Variants in PI4KA observed in about 807,000 individuals in gnomAD.
The protein encoded by PI4KA is phosphatidylinositol 4-kinase alpha.
PI4KA carries 122 observed loss-of-function variants against 271.4 expected under a neutral mutation model. The observed-to-expected ratio is 0.45, with a 90% CI of 0.39 to 0.52. PI4KA has a LOEUF of 0.52. PI4KA is among the 20% of genes least tolerant of loss of function. The pLI is 0.00. For synonymous variants in PI4KA, 1,041 were observed against 1,078.8 expected (o/e 0.96, Z 0.69); for missense variants, 1,969 against 2,769.1 (o/e 0.71, Z 6.48).
In PI4KA at chr22:20,801,964, G is replaced by T. The variant is rs1935359379; in HGVS notation, c.1724+9C>A. On this transcript the variant is annotated intron_variant, in intron 14 of 54. Coordinates refer to ENST00000255882, the MANE Select transcript of PI4KA (RefSeq NM_058004.4). ...CTGCTGTCTACTCGCCACTTGCCCA[G>T]CTTCCCACCTGCAGATGTTGTCAAT... 5 of 1,613,740 alleles carry T rather than the reference G, an allele frequency of 3.1e-6. No individual in the cohort carries two copies. The highest frequency in any genetic ancestry group is 4.2e-6 in the Non-Finnish European group (5 of 1,179,816).
At chr22:20,730,603 C>T (rs112874892) in intron 36 of PI4KA, among the ~76,000 whole-genome samples, 5,369 of 149,042 alleles carry the variant, frequency 0.036, 127 homozygotes, top group Non-Finnish European at 0.056. Context: ...AGGAGTCTCG[C>T]TGTGTTGCCC....
intron 1 of PI4KA, 82 bp from the exon 2 acceptor site, chr22:20,838,813 T>C (rs1223207674): frequency 7.6e-6 from 6 of 793,008 alleles, no homozygotes; most frequent in Non-Finnish European, 1.3e-5. Context: ...TGCAGTGTCA[T>C]ATGCCTGCAG....
At position 20,761,188 on chromosome 22, in the gene PI4KA, G is replaced by A. The variant is rs1931931165; in HGVS notation, c.2791+116C>T. Reference sequence around the variant, plus strand: ...TATGTTTTATACTGATCTTTCTCATGCAATATTTAACTTCATAAAACATTT... The same window carrying A: ...TATGTTTTATACTGATCTTTCTCATACAATATTTAACTTCATAAAACATTT... On this transcript the variant is annotated intron_variant, in intron 23 of 54. Coordinates refer to ENST00000255882, the MANE Select transcript of PI4KA (RefSeq NM_058004.4). 3 of 688,738 alleles carry A rather than the reference G, an allele frequency of 4.4e-6. No homozygotes were observed. The South Asian group carries it at 4.8e-5, about 11-fold the overall frequency. The allele number at this position is 688,738 out of a possible 1,614,324, so 42.7% of individuals were successfully genotyped here. A position where few individuals can be genotyped will look rare whatever the true frequency, so the allele number is the denominator to read the frequency against.
At chr22:20,723,003 G>A (rs955214102) in intron 42 of PI4KA, among the ~76,000 whole-genome samples, 8 of 151,586 alleles carry the variant, frequency 5.3e-5, no homozygotes, top group African/African-American at 1.9e-4. Context: ...CTCCCTCTTT[G>A]GCCATTTTTA....
chr22:20,712,476 C>T lies in PI4KA; in HGVS notation c.5802+10G>A. 1 of 1,607,434 alleles carries T rather than the reference C, an allele frequency of 6.2e-7. No individual in the cohort carries two copies. Among genetic ancestry groups the T allele is most frequent in the South Asian group, 1.1e-5 (1 of 89,990 alleles). ...CACGACCTCCCCCGGCCTGTGGCCA[C>T]CCTGGCTACCTGCTGGAAGGCCAGA... On this transcript the variant is annotated intron_variant, in intron 50 of 54. Coordinates refer to ENST00000255882, the MANE Select transcript of PI4KA (RefSeq NM_058004.4).
At chr22:20,714,591 G>A (rs769390566) in intron 46 of PI4KA, 37 bp downstream of exon 46, 17 of 1,613,882 alleles carry the variant, frequency 1.1e-5, no homozygotes, top group Middle Eastern at 1.6e-4. Context: ...GCACGCGGAC[G>A]CGTGGAAGTG....
At chr22:20,838,290 G>C (rs894928776) in intron 2 of PI4KA, among the ~76,000 whole-genome samples, 1 of 152,098 alleles carries the variant, frequency 6.6e-6, no homozygotes, top group African/African-American at 2.4e-5. Flanking sequence ...ACCTGAGCTT[G>C]AAAACCAAAC....
In PI4KA at chr22:20,747,600, G is replaced by T; in HGVS notation, c.3346C>A (p.Gln1116Lys). The change falls in exon 29 of 55, where the codon CAG becomes AAG. Residue 1116 changes from glutamine to lysine, a missense_variant. Around this residue, in one of 13 missense-constraint regions of PI4KA, gnomAD observed 203 missense variants for 256.8 expected, o/e 0.79. Coordinates refer to ENST00000255882, the MANE Select transcript of PI4KA (RefSeq NM_058004.4). ...SILHFAGYNK[Q>K]NTTLGATQLS... ...GCACATACCCCAAGAGTTGTGTTCT[G>T]CTTGTTGTAGCCAGCAAAGTGAAGG... 1 of 1,614,092 alleles carries T rather than the reference G, an allele frequency of 6.2e-7. No individual in the cohort carries two copies. Among genetic ancestry groups the T allele is most frequent in the African/African-American group, 1.3e-5 (1 of 75,030 alleles).
At chr22:20,749,838 T>C (rs940997635) in intron 28 of PI4KA, 67 bp downstream of exon 28, 3 of 942,434 alleles carry the variant, frequency 3.2e-6, no homozygotes, top group Non-Finnish European at 5.2e-6. Flanking sequence ...GTTCTTCATG[T>C]CTCTGTAAAG....
In PI4KA at chr22:20,732,836, G is replaced by A. The variant is rs1928237625; in HGVS notation, c.4288+135C>T. The A allele has an allele frequency of 5.6e-6, 5 of 893,148 alleles. No individual in the cohort carries two copies. The South Asian group carries it at 7.9e-5, about 14-fold the overall frequency. The allele number at this position is 893,148 out of a possible 1,614,324, so 55.3% of individuals were successfully genotyped here. The stretch of plus-strand genomic sequence containing the variant: ...GCATGCACCGGCCTCCAATGACCGT[G>A]CAACACAGCCAAGGCCAGGGCTCAG... On this transcript the variant is annotated intron_variant, in intron 36 of 54. Coordinates refer to ENST00000255882, the MANE Select transcript of PI4KA (RefSeq NM_058004.4).
intron 1 of PI4KA, 57 bp downstream of exon 1, chr22:20,858,513 G>T: frequency 8.2e-7 from 1 of 1,217,384 alleles, no homozygotes; most frequent in Non-Finnish European, 1.1e-6. Context: ...CCGCCTCCAC[G>T]CTTCGTCACC....
intron 1 of PI4KA, among the ~76,000 whole-genome samples, chr22:20,846,835 CAAA>C (rs361933): frequency 1.6e-4 from 10 of 61,740 alleles, no homozygotes; most frequent in East Asian, 5.1e-4. Context: ...AGTGCAGGCT[CAAA>C]AAAAAAAAAA....
At chr22:20,746,076 T>TCC (rs1457911418) in intron 29 of PI4KA, among the ~76,000 whole-genome samples, 7 of 145,618 alleles carry the variant, frequency 4.8e-5, no homozygotes, top group Non-Finnish European at 7.6e-5. Flanking sequence ...TTTTTTTTTT[T>TCC]TTTTGAGATG....
At chr22:20,848,598 T>C (rs1026285705) in intron 1 of PI4KA, among the ~76,000 whole-genome samples, 1 of 152,086 alleles carries the variant, frequency 6.6e-6, no homozygotes, top group Non-Finnish European at 1.5e-5. Context: ...GAATAGTCTT[T>C]CCAAGAAATC....
chr22:20,765,291 T>G, intron 20 of PI4KA, 55 bp from the exon 21 acceptor site: 1 of 1,509,776 alleles, frequency 6.6e-7, no homozygotes. Context: ...AGCACTGCAG[T>G]GAGGTTGACT....
At chr22:20,816,992 G>A (rs1361940389) in intron 7 of PI4KA, among the ~76,000 whole-genome samples, 2 of 152,228 alleles carry the variant, frequency 1.3e-5, no homozygotes, top group East Asian at 3.8e-4. Context: ...GCAGGTGGCA[G>A]TGAGATTTTC....
intron 19 of PI4KA, among the ~76,000 whole-genome samples, chr22:20,792,269 T>C (rs1755608149): frequency 6.6e-6 from 1 of 152,204 alleles, no homozygotes; most frequent in African/African-American, 2.4e-5. Flanking sequence ...AGGTTGGGAA[T>C]AATGATGAAC....
intron 1 of PI4KA, among the ~76,000 whole-genome samples, chr22:20,841,373 C>G (rs758414453): frequency 4.3e-4 from 65 of 152,290 alleles, no homozygotes; most frequent in Non-Finnish European, 6.3e-4. Context: ...ATCCTCAATT[C>G]CTCTGGACTG....
chr22:20,820,219 G>C (rs1435662453), intron 5 of PI4KA, among the ~76,000 whole-genome samples: 1 of 152,142 alleles, frequency 6.6e-6, no homozygotes, highest in African/African-American at 2.4e-5. Context: ...TTCCTCTTAG[G>C]AGCATATTGG....
Sources: gnomAD v4.1 joint callset for allele counts (sites outside exome capture counted in the v4.1 genomes callset) on GRCh38, gnomAD v4.1.1 for gene constraint, gnomAD v4.1.1 regional missense constraint, MANE v1.5 for transcripts, NCBI Gene and HGNC (gene_info 2026-07-23, HGNC 2026-07-21) for gene names.